Variants in DENND5A observed in about 807,000 individuals in gnomAD.
DENND5A encodes DENN domain containing 5A.
In DENND5A, 64 loss-of-function variants were observed where a neutral mutation model predicts 140.3. The ratio of observed to expected loss-of-function variants is 0.46; its 90% CI spans 0.37 to 0.56. The LOEUF is 0.56. DENND5A is among the 20% of genes least tolerant of loss of function. The pLI, the probability that DENND5A is intolerant of heterozygous loss-of-function variation, is 0.00. For synonymous variants in DENND5A, 605 were observed against 607.7 expected, an observed-to-expected ratio of 1.00 and a Z score of 0.07; for missense variants, 1,292 against 1,593.8, an observed-to-expected ratio of 0.81 and a Z score of 3.22.
At chr11:9,220,044 G>A (rs781586666) in intron 1 of DENND5A, among the ~76,000 whole-genome samples, 20 of 152,248 alleles carry the variant, frequency 1.3e-4, no homozygotes, top group Non-Finnish European at 2.6e-4. Context: ...ACATTCTGAA[G>A]AGAGATTGGT....
intron 1 of DENND5A, among the ~76,000 whole-genome samples, chr11:9,261,126 C>CA (rs1336179055): frequency 6.6e-6 from 1 of 152,192 alleles, no homozygotes; most frequent in African/African-American, 2.4e-5. Flanking sequence ...ACTGGGATTA[C>CA]AGGTGTGAGC....
chr11:9,163,377 A>G (rs1420694279), intron 11 of DENND5A, among the ~76,000 whole-genome samples: 3 of 152,138 alleles, frequency 2.0e-5, no homozygotes, highest in East Asian at 3.8e-4. Context: ...ATTGATTACT[A>G]TATTTCTTCA....
intron 1 of DENND5A, among the ~76,000 whole-genome samples, chr11:9,224,694 A>G (rs1170617017): frequency 6.6e-6 from 1 of 151,850 alleles, no homozygotes; most frequent in African/African-American, 2.4e-5. Context: ...ACCCGTCTTT[A>G]CTAAAAATAC....
rs139731858 is a variant in DENND5A at position 9,142,083 on chromosome 11, T to C, written c.3537A>G (p.Thr1179=). The C allele has an allele frequency of 3.2e-5, 52 of 1,602,122 alleles. No individual in the cohort carries two copies. Among genetic ancestry groups the C allele is most frequent in the Non-Finnish European group, 4.1e-5 (48 of 1,174,284 alleles). ...CAGGGACTACTTCATTCTTCTCTAATGTCTCATAATAGGTTTGTGCTTTTT... is the reference window on the plus strand; with the variant it reads ...CAGGGACTACTTCATTCTTCTCTAACGTCTCATAATAGGTTTGTGCTTTTT... ...FLEKAQTYYE[T]LEKNEVVPEE... Residue 1179 remains threonine, a synonymous_variant, in exon 22 of 23, where the codon ACA becomes ACG. Transcript: ENST00000328194.
At position 9,183,881 on chromosome 11, in the gene DENND5A, T is replaced by C. The variant is rs370677539; in HGVS notation, c.1138-2797A>G. 3.9e-4 allele frequency among the ~76,000 whole-genome samples: 59 copies of C among 152,220 alleles called. No homozygotes were observed. In the South Asian group the frequency reaches 0.012, roughly 30 times the overall value. On this transcript the variant is annotated intron_variant, in intron 5 of 22. Coordinates refer to ENST00000328194, the MANE Select transcript of DENND5A (RefSeq NM_015213.4). ...GAATATAACATAATATATTGATCAG[T>C]TTTCCTGTTAAAAGACATTTGAGGC...
chr11:9,155,984 G>A (rs1463131944), intron 12 of DENND5A, among the ~76,000 whole-genome samples: 3 of 152,204 alleles, frequency 2.0e-5, no homozygotes, highest in African/African-American at 4.8e-5. Flanking sequence ...CGGTTGCTTA[G>A]GAAGGTACCC....
intron 12 of DENND5A, among the ~76,000 whole-genome samples, chr11:9,153,655 A>C (rs1847708596): frequency 6.6e-6 from 1 of 152,180 alleles, no homozygotes. Context: ...AGTGCAGGCC[A>C]GGGAGAGTAA....
intron 10 of DENND5A, among the ~76,000 whole-genome samples, chr11:9,167,032 C>G (rs1017167143): frequency 6.6e-6 from 1 of 151,966 alleles, no homozygotes; most frequent in African/African-American, 2.4e-5. Context: ...AAAATTAAGG[C>G]CTGGAAAATA....
At chr11:9,152,534 A>G (rs986279114) in intron 12 of DENND5A, 92 bp from the exon 13 acceptor site, 28 of 860,550 alleles carry the variant, frequency 3.3e-5, no homozygotes, top group South Asian at 1.7e-4. Flanking sequence ...CTAAAAAAAT[A>G]TATGTACTGT....
At chr11:9,217,435 A>G (rs1850137480) in intron 1 of DENND5A, among the ~76,000 whole-genome samples, 1 of 151,784 alleles carries the variant, frequency 6.6e-6, no homozygotes, top group Admixed American at 6.6e-5. Flanking sequence ...AATAGCTAGA[A>G]CCCAGGAGGC....
intron 1 of DENND5A, among the ~76,000 whole-genome samples, chr11:9,223,188 A>T (rs1195023553): frequency 6.6e-6 from 1 of 151,922 alleles, no homozygotes; most frequent in African/African-American, 2.4e-5. Context: ...GAGGAGTTCA[A>T]GACCAGCCGA....
chr11:9,194,797 G>A (rs909165840), intron 4 of DENND5A, among the ~76,000 whole-genome samples: 11 of 150,130 alleles, frequency 7.3e-5, no homozygotes, highest in Admixed American at 2.0e-4. Flanking sequence ...TCAGCTCACT[G>A]CAACCTCCAC....
At chr11:9,228,621 C>A (rs932667467) in intron 1 of DENND5A, among the ~76,000 whole-genome samples, 1 of 150,992 alleles carries the variant, frequency 6.6e-6, no homozygotes, top group Non-Finnish European at 1.5e-5. Flanking sequence ...TGGTGGCATG[C>A]GGCAGAAGAA....
chr11:9,151,469 ACT>A (rs1336372285), intron 13 of DENND5A, among the ~76,000 whole-genome samples: 1 of 151,992 alleles, frequency 6.6e-6, no homozygotes. Context: ...TACCTGGAGA[ACT>A]CTTGTCTCTA....
Position 9,139,683 on chromosome 11 carries a change from G to A in DENND5A, c.3852C>T (p.Gly1284=), listed in dbSNP as rs1408996482. The change falls in exon 23 of 23, where the codon GGC becomes GGT. Residue 1284 remains glycine, a synonymous_variant. Transcript: ENST00000328194. ...NITLETSLVK[G]IDI is the part of the protein sequence containing the mutation. ...TGGTGCTGGGAGGTCAGATGTCGAT[G>A]CCCTTGACAAGGGACGTCTCCAGCG... The A allele has an allele frequency of 6.2e-7, 1 of 1,613,506 alleles. No individual in the cohort carries two copies. The highest frequency in any genetic ancestry group is 1.1e-5 in the South Asian group (1 of 90,906).
intron 1 of DENND5A, among the ~76,000 whole-genome samples, chr11:9,210,933 T>C (rs991732644): frequency 1.1e-4 from 16 of 152,198 alleles, no homozygotes; most frequent in African/African-American, 3.6e-4. Flanking sequence ...TTATGTCTAG[T>C]TCATACAGAT....
chr11:9,258,846 AATTTTGAAGTTCGAATTTC>A (rs1374018786), intron 1 of DENND5A, among the ~76,000 whole-genome samples: 1 of 152,200 alleles, frequency 6.6e-6, no homozygotes, highest in African/African-American at 2.4e-5. Context: ...AACATTCGAT[AATTTTGAAGTTCGAATTTC>A]ACTGCTCAAT....
chr11:9,256,354 G>A (rs1851946138), intron 1 of DENND5A, among the ~76,000 whole-genome samples: 1 of 151,906 alleles, frequency 6.6e-6, no homozygotes, highest in South Asian at 2.1e-4. Flanking sequence ...CAGCTACTCA[G>A]GAGGCTGAGG....
intron 1 of DENND5A, among the ~76,000 whole-genome samples, chr11:9,234,758 C>G (rs978853031): frequency 6.6e-6 from 1 of 152,186 alleles, no homozygotes; most frequent in Non-Finnish European, 1.5e-5. Flanking sequence ...GATAACTAGC[C>G]GAACCCATCC....
Sources: allele counts gnomAD v4.1 joint callset (sites outside exome capture counted in the v4.1 genomes callset), GRCh38; gene constraint gnomAD v4.1.1; transcripts MANE v1.5; gene names NCBI Gene and HGNC (gene_info 2026-07-23, HGNC 2026-07-21).